Variants in OXSR1 observed in about 807,000 individuals in gnomAD.
OXSR1 encodes oxidative stress responsive kinase 1, also known as serine/threonine-protein kinase OSR1.
Under a neutral mutation model 79.8 loss-of-function variants are expected in OXSR1, and 24 were observed. The ratio of observed to expected loss-of-function variants is 0.30; its 90% CI spans 0.22 to 0.42. The LOEUF (loss-of-function observed/expected upper bound fraction) is 0.42, where lower values mean the gene tolerates loss of function less well. Ranked by LOEUF, OXSR1 falls within the 10% of genes least tolerant of loss-of-function variation. The pLI is 1.00. For synonymous variants in OXSR1, 226 were observed against 209.2 expected (o/e 1.08, Z -0.69); for missense variants, 430 against 618.4 (o/e 0.70, Z 3.23).
At chr3:38,200,815 A>G (rs549891384) in intron 4 of OXSR1, among the ~76,000 whole-genome samples, 3 of 152,220 alleles carry the variant, frequency 2.0e-5, no homozygotes, top group Non-Finnish European at 4.4e-5. Flanking sequence ...CATAAAACAC[A>G]TTTTGAAGAA....
chr3:38,226,416 A>G (rs1702689707), intron 8 of OXSR1, among the ~76,000 whole-genome samples: 1 of 152,216 alleles, frequency 6.6e-6, no homozygotes, highest in Admixed American at 6.5e-5. Context: ...TAGCAATGCC[A>G]GAAATGAAAA....
intron 1 of OXSR1, among the ~76,000 whole-genome samples, chr3:38,169,603 C>T (rs1331499087): frequency 2.0e-5 from 3 of 150,814 alleles, no homozygotes; most frequent in African/African-American, 7.3e-5. Flanking sequence ...CTGCGCCTGG[C>T]TGTTCGTTTT....
At chr3:38,237,034 T>A in intron 11 of OXSR1, 73 bp downstream of exon 11, 1 of 1,342,184 alleles carries the variant, frequency 7.5e-7, no homozygotes, top group Non-Finnish European at 1.0e-6. Flanking sequence ...AGCTAAAATA[T>A]AAAGAATACA....
At chr3:38,167,773 G>A (rs1701496209) in intron 1 of OXSR1, among the ~76,000 whole-genome samples, 1 of 152,130 alleles carries the variant, frequency 6.6e-6, no homozygotes, top group African/African-American at 2.4e-5. Context: ...GGTCTGGACT[G>A]ATTGCTTCTG....
At chr3:38,244,803 GGT>G (rs1192430628) in intron 12 of OXSR1, among the ~76,000 whole-genome samples, 1 of 152,004 alleles carries the variant, frequency 6.6e-6, no homozygotes, top group African/African-American at 2.4e-5. Context: ...AATTCTTTGG[GGT>G]GTATACCTAG....
chr3:38,189,420 T>C (rs1198919258), intron 2 of OXSR1, among the ~76,000 whole-genome samples: 2 of 152,202 alleles, frequency 1.3e-5, no homozygotes, highest in African/African-American at 2.4e-5. Context: ...TCTTTCATAT[T>C]TACTTAGCTT....
In OXSR1 at chr3:38,246,736, ATCATACTTCAT is replaced by A. The variant is rs577970027; in HGVS notation, c.1257+517_1257+527del. 2.4e-3 allele frequency among the ~76,000 whole-genome samples: 362 copies of A among 152,254 alleles called. 1 individual carries two copies. Among genetic ancestry groups the A allele is most frequent in the Middle Eastern group, 0.017 (5 of 294 alleles). On this transcript the variant is annotated intron_variant, in intron 13 of 17. Transcript: ENST00000311806. ...TCCAGGTGCACACAAACTTTATTAA[ATCATACTTCAT>A]TGAGAGCAGCCAAGTGAATGAAGGC...
intron 1 of OXSR1, among the ~76,000 whole-genome samples, chr3:38,177,664 A>G (rs1451604447): frequency 6.6e-6 from 1 of 151,904 alleles, no homozygotes; most frequent in Non-Finnish European, 1.5e-5. Context: ...GGCTCACTGC[A>G]GCATTGACCT....
intron 8 of OXSR1, among the ~76,000 whole-genome samples, chr3:38,227,627 T>G (rs1440671520): frequency 1.3e-5 from 2 of 149,620 alleles, no homozygotes; most frequent in Non-Finnish European, 3.0e-5. Context: ...CAGGAAAGAC[T>G]AGAGAGAGTA....
chr3:38,205,550 A>G (rs1185763862), intron 4 of OXSR1, among the ~76,000 whole-genome samples: 2 of 152,156 alleles, frequency 1.3e-5, no homozygotes, highest in Admixed American at 1.3e-4. Flanking sequence ...TTGGCCAAGA[A>G]TATGTTCGTC....
chr3:38,184,421 T>C (rs1200618993), intron 2 of OXSR1, among the ~76,000 whole-genome samples: 2 of 152,144 alleles, frequency 1.3e-5, no homozygotes, highest in Admixed American at 6.5e-5. Flanking sequence ...AATAATACTT[T>C]AGAGCACCAT....
At chr3:38,208,600 T>C (rs1227393487) in intron 4 of OXSR1, among the ~76,000 whole-genome samples, 1 of 152,158 alleles carries the variant, frequency 6.6e-6, no homozygotes. Context: ...GTATGGAGTT[T>C]TTAAAAATGC....
At chr3:38,196,074 A>AT in intron 3 of OXSR1, among the ~76,000 whole-genome samples, 1 of 152,312 alleles carries the variant, frequency 6.6e-6, no homozygotes, top group Non-Finnish European at 1.5e-5. Context: ...GGGAATATGC[A>AT]TTTTTACTAG....
Position 38,207,564 on chromosome 3 carries a change from G to A in OXSR1, c.435-8532G>A, listed in dbSNP as rs746681898. On this transcript the variant is annotated intron_variant, in intron 4 of 17. Transcript: ENST00000311806. ...TCACAACAGGGGCTGGAGTTGGGGA[G>A]TGGAATGTGCTACTGACATGTAATG... Among the ~76,000 whole-genome samples, 152 of 152,208 alleles carry A rather than the reference G, an allele frequency of 1.0e-3. 1 individual carries two copies. Among genetic ancestry groups the A allele is most frequent in the Non-Finnish European group, 7.1e-4 (48 of 68,034 alleles).
chr3:38,180,232 T>A (rs1701756605), intron 1 of OXSR1, among the ~76,000 whole-genome samples: 1 of 152,168 alleles, frequency 6.6e-6, no homozygotes, highest in South Asian at 2.1e-4. Flanking sequence ...CGTGAAACAC[T>A]GTTCCTGGCG....
chr3:38,218,367 A>G (rs1702525814), intron 5 of OXSR1, among the ~76,000 whole-genome samples: 1 of 151,924 alleles, frequency 6.6e-6, no homozygotes, highest in Non-Finnish European at 1.5e-5. Flanking sequence ...AAGGGATGTA[A>G]GGTGTTATCT....
intron 9 of OXSR1, 110 bp downstream of exon 9, chr3:38,229,845 G>T (rs1463076215): frequency 3.6e-6 from 3 of 837,174 alleles, no homozygotes; most frequent in Non-Finnish European, 6.0e-6. Flanking sequence ...AATGATGGTA[G>T]ATAAAATAAT....
chr3:38,210,269 G>T (rs77855063), intron 4 of OXSR1, among the ~76,000 whole-genome samples: 2,434 of 152,154 alleles, frequency 0.016, 69 homozygotes, highest in African/African-American at 0.054. Flanking sequence ...GTGCTTCTCA[G>T]TTCCCCCCCA....
chr3:38,169,741 T>C (rs1701540299), intron 1 of OXSR1, among the ~76,000 whole-genome samples: 1 of 152,020 alleles, frequency 6.6e-6, no homozygotes, highest in African/African-American at 2.4e-5. Context: ...TCTTCTCATT[T>C]TCTTTCTTTT....
Sources: allele counts gnomAD v4.1 joint callset (sites outside exome capture counted in the v4.1 genomes callset), GRCh38; gene constraint gnomAD v4.1.1; transcripts MANE v1.5; gene names NCBI Gene and HGNC (gene_info 2026-07-23, HGNC 2026-07-21).